Variants in OPTN observed in about 807,000 individuals in gnomAD.
The protein encoded by OPTN is optineurin.
Under a neutral mutation model 70.4 loss-of-function variants are expected in OPTN, and 54 were observed. The observed-to-expected ratio is 0.77, with a 90% CI of 0.62 to 0.96. The LOEUF is 0.96. OPTN is among the 40% of genes least tolerant of loss of function. The probability of loss-of-function intolerance (pLI) is 0.00; values close to 1 mark genes in which losing one functional copy is unlikely to be tolerated. For missense variants in OPTN, 624 were observed against 673.2 expected, an observed-to-expected ratio of 0.93 and a Z score of 0.81; for synonymous variants, 256 against 248.5, an observed-to-expected ratio of 1.03 and a Z score of -0.28.
In OPTN at chr10:13,137,715, G is replaced by A. The variant is rs1228298422; in HGVS notation, c.*849G>A. The stretch of plus-strand genomic sequence containing the variant: ...ATAATTTTACCAAAGTTTTCACATA[G>A]GCAGTTAGCCTTTACTTAATATCAA... On this transcript the variant is annotated 3_prime_UTR_variant, in exon 15 of 15. Transcript: ENST00000378747. 4.3e-6 allele frequency: 1 copy of A among 230,064 alleles called. No homozygotes were observed. Among genetic ancestry groups the A allele is most frequent in the Non-Finnish European group, 8.6e-6 (1 of 116,204 alleles). 14.3% of individuals were successfully genotyped at this position (230,064 alleles called of 1,614,324 possible).
chr10:13,126,801 G>A (rs1174207813), intron 11 of OPTN, among the ~76,000 whole-genome samples: 2 of 152,174 alleles, frequency 1.3e-5, no homozygotes, highest in East Asian at 3.9e-4. Context: ...GCCAAGGCTG[G>A]AGGATCATTT....
At chr10:13,112,302 T>A in intron 4 of OPTN, 151 bp from the exon 5 acceptor site, 2 of 718,320 alleles carry the variant, frequency 2.8e-6, no homozygotes, top group East Asian at 5.4e-5. Context: ...AAGATGGGGG[T>A]CTTGCTATGT....
intron 7 of OPTN, 131 bp from the exon 8 acceptor site, chr10:13,122,254 G>T: frequency 2.9e-6 from 2 of 697,858 alleles, no homozygotes; most frequent in Non-Finnish European, 5.2e-6. Flanking sequence ...TAGTGAATGT[G>T]TAGAGATTTT....
intron 14 of OPTN, among the ~76,000 whole-genome samples, chr10:13,134,195 T>C (rs752446644): frequency 3.3e-5 from 5 of 152,204 alleles, no homozygotes; most frequent in Non-Finnish European, 7.3e-5. Context: ...TGTCCTAAGC[T>C]TGTATTTGCT....
chr10:13,126,875 G>A (rs1168337206), intron 11 of OPTN, among the ~76,000 whole-genome samples: 2 of 152,058 alleles, frequency 1.3e-5, no homozygotes. Context: ...AAAATAAAGA[G>A]TTAACCAAGT....
intron 11 of OPTN, among the ~76,000 whole-genome samples, chr10:13,127,034 ACAAT>A (rs1833482425): frequency 1.3e-5 from 2 of 152,206 alleles, no homozygotes; most frequent in Admixed American, 6.5e-5. Context: ...AAAAAAGAAA[ACAAT>A]AAATAAATTA....
intron 12 of OPTN, among the ~76,000 whole-genome samples, chr10:13,130,956 G>T (rs1347685638): frequency 6.6e-6 from 1 of 152,100 alleles, no homozygotes; most frequent in Non-Finnish European, 1.5e-5. Context: ...TCACACTCCT[G>T]TCACCCAGGC....
At chr10:13,115,091 ATTT>A (rs1258345539) in intron 5 of OPTN, among the ~76,000 whole-genome samples, 2 of 32,924 alleles carry the variant, frequency 6.1e-5, no homozygotes, top group African/African-American at 2.0e-4. Flanking sequence ...AGATATATCT[ATTT>A]TATATATTTT....
chr10:13,130,219 G>A (rs1056824992), intron 12 of OPTN, among the ~76,000 whole-genome samples: 3 of 151,954 alleles, frequency 2.0e-5, no homozygotes, highest in Non-Finnish European at 2.9e-5. Flanking sequence ...AAGGTCAGGA[G>A]TTCGAGACCA....
chr10:13,118,259 G>C (rs541436145), intron 6 of OPTN, among the ~76,000 whole-genome samples: 1 of 152,312 alleles, frequency 6.6e-6, no homozygotes, highest in African/African-American at 2.4e-5. Flanking sequence ...AGTAGCTGCC[G>C]TTAGCATCAT....
chr10:13,108,708 G>A (rs1245403549), intron 2 of OPTN, among the ~76,000 whole-genome samples: 5 of 152,024 alleles, frequency 3.3e-5, no homozygotes, highest in Middle Eastern at 3.4e-3. Flanking sequence ...CACCAAGCCC[G>A]GCTAATTTTT....
chr10:13,127,999 A>C, intron 12 of OPTN, 96 bp downstream of exon 12: 1 of 1,414,124 alleles, frequency 7.1e-7, no homozygotes, highest in Non-Finnish European at 9.9e-7. Flanking sequence ...GTAATTTTCT[A>C]TTTTATATAT....
In OPTN at chr10:13,108,151, A is replaced by G. The variant is rs1318069027; in HGVS notation, c.-150A>G. ...TTGTTTTACAAGGTGTGGCTTTGAT[A>G]GCTGGTGGTGCCACTTCCTGGCCTT... On this transcript the variant is annotated 5_prime_UTR_variant, in exon 2 of 15. In the 5' UTR this introduces an upstream ATG that the reference lacks. Transcript: ENST00000378747. 1 of 152,246 alleles carries G rather than the reference A, an allele frequency of 6.6e-6. No individual in the cohort carries two copies. Among genetic ancestry groups the G allele is most frequent in the Non-Finnish European group, 1.5e-5 (1 of 68,048 alleles). The allele number at this position is 152,246 out of a possible 1,614,324, so 9.4% of individuals were successfully genotyped here. A position where few individuals can be genotyped will look rare whatever the true frequency, so the allele number is the denominator to read the frequency against.
intron 4 of OPTN, among the ~76,000 whole-genome samples, chr10:13,112,038 C>T (rs1308833247): frequency 3.3e-5 from 5 of 151,154 alleles, no homozygotes; most frequent in African/African-American, 4.9e-5. Context: ...TTAGTAGAGA[C>T]GGGGTTTCAC....
At chr10:13,115,484 ATTCTATATT>A (rs1564359931) in intron 5 of OPTN, among the ~76,000 whole-genome samples, 1,478 of 104,496 alleles carry the variant, frequency 0.014, 102 homozygotes, top group African/African-American at 0.065. Flanking sequence ...TATATAATAT[ATTCTATATT>A]ATATAATATA....
At chr10:13,103,649 A>G (rs11258186) in intron 1 of OPTN, among the ~76,000 whole-genome samples, 4,043 of 152,308 alleles carry the variant, frequency 0.027, 90 homozygotes, top group East Asian at 0.093. Flanking sequence ...TTCTAAGGCC[A>G]ACTCAGCAAT....
intron 13 of OPTN, 54 bp from the exon 14 acceptor site, chr10:13,133,448 T>G (rs1408104755): frequency 6.8e-7 from 1 of 1,466,662 alleles, no homozygotes; most frequent in Non-Finnish European, 9.6e-7. Flanking sequence ...CTCAGTGTTG[T>G]CATGTTTCGG....
At chr10:13,133,602 G>A (rs750023195) in intron 14 of OPTN, 21 bp downstream of exon 14, 1 of 1,600,462 alleles carries the variant, frequency 6.2e-7, no homozygotes, top group Admixed American at 1.7e-5. Context: ...TGTGATCCTG[G>A]ATTTTCAGGA....
intron 5 of OPTN, among the ~76,000 whole-genome samples, chr10:13,114,814 T>TTATATATACGTA (rs1564358862): frequency 3.4e-4 from 23 of 66,692 alleles, no homozygotes; most frequent in African/African-American, 1.3e-3. Flanking sequence ...ATATATATAA[T>TTATATATACGTA]TATATAATTA....
Sources: allele counts gnomAD v4.1 joint callset (sites outside exome capture counted in the v4.1 genomes callset), GRCh38; gene constraint gnomAD v4.1.1; transcripts MANE v1.5; gene names NCBI Gene and HGNC (gene_info 2026-07-23, HGNC 2026-07-21).